The following RGSL1 variants were observed in gnomAD, a reference collection of about 807,000 sequenced individuals.
RGSL1 encodes regulator of G protein signaling protein-like.
RGSL1 carries 97 observed loss-of-function variants against 124.7 expected under a neutral mutation model. That is an observed-to-expected ratio of 0.78 (90% CI 0.66 to 0.92). RGSL1 has a LOEUF of 0.92. Among genes scored for constraint, RGSL1 ranks in the 40% least tolerant of loss-of-function variants. The pLI is 0.00. For synonymous variants in RGSL1, 424 were observed against 438.1 expected, an observed-to-expected ratio of 0.97 and a Z score of 0.40; for missense variants, 1,233 against 1,288.4, an observed-to-expected ratio of 0.96 and a Z score of 0.66.
chr1:182,540,013 G>C (rs1394902597), intron 14 of RGSL1, among the ~76,000 whole-genome samples: 1 of 152,142 alleles, frequency 6.6e-6, no homozygotes, highest in East Asian at 1.9e-4. Flanking sequence ...ATTTCTATTA[G>C]ATAAGCACCT....
intron 13 of RGSL1, 90 bp downstream of exon 13, chr1:182,531,000 A>G: frequency 2.1e-6 from 3 of 1,402,038 alleles, no homozygotes; most frequent in Non-Finnish European, 1.9e-6. Context: ...TTGCAAAGGA[A>G]GAATCTGAGA....
chr1:182,491,036 A>C (rs972363959), intron 8 of RGSL1, among the ~76,000 whole-genome samples: 1 of 149,744 alleles, frequency 6.7e-6, no homozygotes, highest in Non-Finnish European at 1.5e-5. Context: ...GACTACAGGC[A>C]TGCACCACCA....
chr1:182,449,412 T>C (rs1260522520), upstream of RGSL1: 1 of 152,158 alleles, frequency 6.6e-6, no homozygotes, highest in African/African-American at 2.4e-5. Flanking sequence ...TTCCCTACAA[T>C]CCCAAGACTT....
chr1:182,509,759 T>C (rs1297937192), intron 9 of RGSL1, among the ~76,000 whole-genome samples: 358 of 54,234 alleles, frequency 6.6e-3, no homozygotes, highest in Middle Eastern at 0.015. Context: ...GCTGGCCGGG[T>C]GGGGGGGCTG....
At chr1:182,491,040 A>G (rs956669868) in intron 8 of RGSL1, among the ~76,000 whole-genome samples, 2 of 148,866 alleles carry the variant, frequency 1.3e-5, no homozygotes, top group Admixed American at 6.7e-5. Context: ...ACAGGCATGC[A>G]CCACCACACC....
intron 17 of RGSL1, 42 bp from the exon 18 acceptor site, chr1:182,551,058 C>A (rs748876080): frequency 3.5e-6 from 5 of 1,409,434 alleles, no homozygotes; most frequent in South Asian, 1.2e-5. Context: ...GCCCCCTCCA[C>A]TGGGGGTTCC....
chr1:182,508,000 A>G (rs1255078038), intron 9 of RGSL1, among the ~76,000 whole-genome samples: 1 of 152,062 alleles, frequency 6.6e-6, no homozygotes, highest in Non-Finnish European at 1.5e-5. Flanking sequence ...CCCAGCCCAG[A>G]TGTTTTTTTG....
chr1:182,531,737 G>A (rs554440867), intron 13 of RGSL1, among the ~76,000 whole-genome samples: 50 of 152,272 alleles, frequency 3.3e-4, no homozygotes, highest in Non-Finnish European at 6.8e-4. Context: ...CAGTGCACTT[G>A]ATTTAATTTC....
chr1:182,529,064 C>A (rs1658969348), intron 11 of RGSL1, among the ~76,000 whole-genome samples: 1 of 152,168 alleles, frequency 6.6e-6, no homozygotes, highest in Non-Finnish European at 1.5e-5. Flanking sequence ...CTGCCCTTGA[C>A]ACATGGGGAT....
chr1:182,473,181 T>A (rs1178860690), intron 5 of RGSL1, among the ~76,000 whole-genome samples: 1 of 152,222 alleles, frequency 6.6e-6, no homozygotes, highest in Non-Finnish European at 1.5e-5. Context: ...AATTGAGAAT[T>A]GATGACATTA....
chr1:182,549,489 G>A (rs266537), intron 17 of RGSL1: 16,801 of 152,346 alleles, frequency 0.11, 982 homozygotes, highest in Non-Finnish European at 0.13. Flanking sequence ...CCTGTCCTGT[G>A]GAGATTTGGC....
intron 4 of RGSL1, among the ~76,000 whole-genome samples, chr1:182,470,371 A>G (rs950366748): frequency 2.0e-5 from 3 of 151,318 alleles, no homozygotes; most frequent in African/African-American, 4.9e-5. Flanking sequence ...ATCTCTTCCT[A>G]CTTCCCTCCC....
At chr1:182,547,487 C>T (rs988737585) in intron 15 of RGSL1, among the ~76,000 whole-genome samples, 34 of 152,132 alleles carry the variant, frequency 2.2e-4, no homozygotes, top group Non-Finnish European at 3.7e-4. Flanking sequence ...CTTGCTTGAC[C>T]TCTACAAACT....
chr1:182,453,478 G>A (rs180712561), intron 1 of RGSL1: 1 of 154,740 alleles, frequency 6.5e-6, no homozygotes, highest in East Asian at 1.9e-4. Flanking sequence ...TCCAGCCAAT[G>A]AGAGAACCAG....
rs763156104 is a variant in RGSL1 at position 182,488,273 on chromosome 1, T to C, written c.1432-12T>C. On this transcript the variant is annotated splice_polypyrimidine_tract_variant and intron_variant, in intron 6 of 21. Transcript: ENST00000294854. ...TCCACCTCATAATGCATATGCTGTG[T>C]TTGGTTTTCAGATGCTCAGTCCCTG... 1.2e-5 allele frequency: 18 copies of C among 1,551,794 alleles called. No individual in the cohort carries two copies. Among genetic ancestry groups the C allele is most frequent in the Non-Finnish European group, 1.6e-5 (18 of 1,146,774 alleles).
At chr1:182,546,889 A>G (rs1431166610) in intron 15 of RGSL1, among the ~76,000 whole-genome samples, 1 of 152,226 alleles carries the variant, frequency 6.6e-6, no homozygotes, top group Non-Finnish European at 1.5e-5. Flanking sequence ...CCTGGTACAC[A>G]TTCACTTCTG....
At chr1:182,492,826 T>G (rs1655630484) in intron 8 of RGSL1, 196 bp from the exon 9 acceptor site, 1 of 539,148 alleles carries the variant, frequency 1.9e-6, no homozygotes, top group South Asian at 2.2e-5. Context: ...AGACAGGGTT[T>G]CACCATGTTA....
chr1:182,549,064 C>G (rs1321654200), intron 17 of RGSL1: 7 of 418,224 alleles, frequency 1.7e-5, no homozygotes, highest in Non-Finnish European at 3.0e-5. Context: ...CCCACCCCTC[C>G]TCTTTCTATG....
intron 1 of RGSL1, chr1:182,453,326 G>A (rs541520800): frequency 2.0e-5 from 3 of 152,346 alleles, no homozygotes; most frequent in Admixed American, 6.5e-5. Context: ...AAAGCATAAT[G>A]GAGTTAATAG....
Sources: gnomAD v4.1 joint callset for allele counts (sites outside exome capture counted in the v4.1 genomes callset) on GRCh38, gnomAD v4.1.1 for gene constraint, MANE v1.5 for transcripts, NCBI Gene and HGNC (gene_info 2026-07-23, HGNC 2026-07-21) for gene names.